The following GNL3L variants were observed in gnomAD, a reference collection of about 807,000 sequenced individuals.
GNL3L encodes the protein G protein nucleolar 3 like.
GNL3L carries 4 observed loss-of-function variants against 42.9 expected under a neutral mutation model. The observed-to-expected ratio is 0.09, with a 90% CI of 0.05 to 0.21. GNL3L has a LOEUF of 0.21. Among genes scored for constraint, GNL3L ranks in the 10% least tolerant of loss-of-function variants. GNL3L has a pLI of 1.00. For synonymous variants in GNL3L, 159 were observed against 176.3 expected (o/e 0.90, Z 0.78); for missense variants, 412 against 481.7 (o/e 0.86, Z 1.36).
intron 16 of GNL3L, among the ~76,000 whole-genome samples, chrX:54,597,785 G>A (rs920128093): frequency 9.9e-5 from 11 of 111,183 alleles, no homozygotes; most frequent in Non-Finnish European, 1.5e-4. Context: ...CTATGGGTGG[G>A]CATCAGCTGA....
At chrX:54,633,515 C>T in the GNL3L span, among the ~76,000 whole-genome samples, 1 of 111,283 alleles carries the variant, frequency 9.0e-6, no homozygotes, top group Admixed American at 9.6e-5. Context: ...TAGAGAAAGA[C>T]CATCAGGTGG....
chrX:54,622,072 G>T (rs893279258), downstream of GNL3L, among the ~76,000 whole-genome samples: 6 of 110,272 alleles, frequency 5.4e-5, no homozygotes, highest in Non-Finnish European at 1.1e-4. Context: ...ATTTGACAGA[G>T]TGGCACCCTG....
chrX:54,533,586 A>G (rs1370651038), intron 2 of GNL3L, among the ~76,000 whole-genome samples: 3 of 110,370 alleles, frequency 2.7e-5, no homozygotes, highest in Non-Finnish European at 5.7e-5. Flanking sequence ...AAAGCAAATA[A>G]TCATACTTTT....
In GNL3L at chrX:54,562,504, A is replaced by G. The variant is rs1376486689; in HGVS notation, c.*1902A>G. ...AAGACCACTCTTGTATTCAGGGGCAACCAAAGGAGAGAATTACGTACTTGT... is the reference window on the plus strand; with the variant it reads ...AAGACCACTCTTGTATTCAGGGGCAGCCAAAGGAGAGAATTACGTACTTGT... On this transcript the variant is annotated 3_prime_UTR_variant, in exon 16 of 16. Coordinates refer to ENST00000360845, the MANE Select transcript of GNL3L (RefSeq NM_001184819.2). 9.0e-6 allele frequency among the ~76,000 whole-genome samples: 1 copy of G among 111,520 alleles called. No individual in the cohort carries two copies. Among genetic ancestry groups the G allele is most frequent in the Non-Finnish European group, 1.9e-5 (1 of 53,096 alleles).
At chrX:54,549,679 T>C (rs933601495) in intron 9 of GNL3L, among the ~76,000 whole-genome samples, 5 of 112,246 alleles carry the variant, frequency 4.5e-5, no homozygotes, top group Admixed American at 1.9e-4. Context: ...CGTGCCACTG[T>C]TGAGATCCAG....
chrX:54,607,434 A>G (rs1926111690), intron 16 of GNL3L, among the ~76,000 whole-genome samples: 1 of 106,834 alleles, frequency 9.4e-6, no homozygotes, highest in South Asian at 4.2e-4. Context: ...GATTTTAAGT[A>G]TTATTTCTGA....
At chrX:54,604,143 A>C (rs1168312601) in intron 16 of GNL3L, among the ~76,000 whole-genome samples, 2 of 111,068 alleles carry the variant, frequency 1.8e-5, no homozygotes, top group Admixed American at 9.6e-5. Context: ...CCTCTCAAAA[A>C]CACAAAGAAA....
At chrX:54,585,332 A>C (rs1925770061) in intron 16 of GNL3L, among the ~76,000 whole-genome samples, 2 of 110,438 alleles carry the variant, frequency 1.8e-5, no homozygotes, top group African/African-American at 3.3e-5. Context: ...TTTGAGAAAG[A>C]TTGGTGTTCT....
intron 16 of GNL3L, among the ~76,000 whole-genome samples, chrX:54,594,552 T>A (rs767885253): frequency 0.037 from 3,910 of 106,115 alleles, 182 homozygotes; most frequent in African/African-American, 0.13. Context: ...TTTTTTTTTT[T>A]TTAAAAAAAA....
At chrX:54,545,064 T>C (rs1924732712) in intron 8 of GNL3L, among the ~76,000 whole-genome samples, 1 of 111,006 alleles carries the variant, frequency 9.0e-6, no homozygotes. Context: ...TACAGGCATG[T>C]GCCACCATGC....
At chrX:54,577,069 C>T (rs763577259) in intron 16 of GNL3L, among the ~76,000 whole-genome samples, 4 of 112,180 alleles carry the variant, frequency 3.6e-5, no homozygotes, top group African/African-American at 1.3e-4. Flanking sequence ...TTCTCCTTTC[C>T]CTCCAGTCCC....
intron 16 of GNL3L, among the ~76,000 whole-genome samples, chrX:54,588,001 G>A (rs1296916877): frequency 9.0e-6 from 1 of 111,648 alleles, no homozygotes; most frequent in Non-Finnish European, 1.9e-5. Flanking sequence ...TTTAATTTCC[G>A]TTTCCACATG....
At chrX:54,611,157 G>C (rs1926157965) in intron 16 of GNL3L, among the ~76,000 whole-genome samples, 1 of 111,146 alleles carries the variant, frequency 9.0e-6, no homozygotes, top group Non-Finnish European at 1.9e-5. Context: ...TAGTACCCTT[G>C]AATGATCTTT....
At position 54,565,466 on chromosome X, in the gene GNL3L, C is replaced by T. The variant is rs1925400085; in HGVS notation, c.*4864C>T. Among the ~76,000 whole-genome samples, 1 of 111,320 alleles carries T rather than the reference C, an allele frequency of 9.0e-6. No individual in the cohort carries two copies. The highest frequency in any genetic ancestry group is 3.3e-5 in the African/African-American group (1 of 30,664). On this transcript the variant is annotated 3_prime_UTR_variant, in exon 16 of 16. Transcript: ENST00000360845. Reference sequence around the variant, plus strand: ...CATCCTCTCTAGTACTTGGGGGTGTCAGTTTAGTTTTTTAATTTTTAAATT... The same window carrying T: ...CATCCTCTCTAGTACTTGGGGGTGTTAGTTTAGTTTTTTAATTTTTAAATT...
At position 54,565,329 on chromosome X, in the gene GNL3L, A is replaced by G. The variant is rs750189331; in HGVS notation, c.*4727A>G. 8.9e-6 allele frequency among the ~76,000 whole-genome samples: 1 copy of G among 111,865 alleles called. No individual in the cohort carries two copies. The highest frequency in any genetic ancestry group is 3.7e-4 in the South Asian group (1 of 2,708). On this transcript the variant is annotated 3_prime_UTR_variant, in exon 16 of 16. Transcript: ENST00000360845. ...ATCTATAGTAAATACCTAGAGTTGG[A>G]TTGCTGGGATATATGGTAAGCATAT...
At chrX:54,632,912 G>A in the GNL3L span, among the ~76,000 whole-genome samples, 2 of 111,427 alleles carry the variant, frequency 1.8e-5, no homozygotes, top group Non-Finnish European at 3.8e-5. Flanking sequence ...AGGGAAGATC[G>A]GTGACTCAAG....
At position 54,542,921 on chromosome X, in the gene GNL3L, C is replaced by T. The variant is rs188507576; in HGVS notation, c.307-34C>T. The T allele has an allele frequency of 5.4e-3, 4,999 of 922,488 alleles. 16 individuals carry two copies. The highest frequency in any genetic ancestry group is 7.0e-3 in the Non-Finnish European group (4,427 of 634,889). 76.0% of individuals were successfully genotyped at this position (922,488 alleles called of 1,213,427 possible). On this transcript the variant is annotated intron_variant, in intron 5 of 15. Coordinates refer to ENST00000360845, the MANE Select transcript of GNL3L (RefSeq NM_001184819.2). ...CTCTTTCTCGCTCTCTCCCCCTCCTCCCCTGGACCATTCTCTTTTTTTTTC... is the reference window on the plus strand; with the variant it reads ...CTCTTTCTCGCTCTCTCCCCCTCCTTCCCTGGACCATTCTCTTTTTTTTTC...
chrX:54,577,041 C>G (rs1288147373), intron 16 of GNL3L, among the ~76,000 whole-genome samples: 3 of 112,098 alleles, frequency 2.7e-5, no homozygotes, highest in African/African-American at 6.5e-5. Flanking sequence ...TCTGTACTCT[C>G]TAAACACTAG....
chrX:54,584,132 G>A (rs1289296752), intron 16 of GNL3L, among the ~76,000 whole-genome samples: 1 of 96,518 alleles, frequency 1.0e-5, no homozygotes, highest in African/African-American at 3.9e-5. Context: ...TGCCTAAGCT[G>A]GAGTGCAGTG....
Sources: allele counts gnomAD v4.1 joint callset (sites outside exome capture counted in the v4.1 genomes callset), GRCh38; gene constraint gnomAD v4.1.1; transcripts MANE v1.5; gene names NCBI Gene and HGNC (gene_info 2026-07-23, HGNC 2026-07-21).